Variants in RBFOX1 observed in about 807,000 individuals in gnomAD.
The protein encoded by RBFOX1 is RNA binding protein fox-1 homolog 1.
In RBFOX1, 8 loss-of-function variants were observed where a neutral mutation model predicts 57.7. That is an observed-to-expected ratio of 0.14 (90% CI 0.08 to 0.25). The LOEUF is 0.25. RBFOX1 is among the 10% of genes least tolerant of loss of function. The pLI, the probability that RBFOX1 is intolerant of heterozygous loss-of-function variation, is 1.00. For missense variants in RBFOX1, 611 were observed against 548.5 expected, an observed-to-expected ratio of 1.11 and a Z score of -1.14; for synonymous variants, 326 against 222.4, an observed-to-expected ratio of 1.47 and a Z score of -4.15.
intron 4 of RBFOX1, among the ~76,000 whole-genome samples, chr16:7,151,295 C>G (rs1433755831): frequency 1.3e-5 from 2 of 152,166 alleles, no homozygotes; most frequent in African/African-American, 4.8e-5. Context: ...TGATTACAGT[C>G]AACAGAAACC....
chr16:5,591,540 T>C (rs56034188), intron 2 of RBFOX1, among the ~76,000 whole-genome samples: 30,086 of 152,164 alleles, frequency 0.2, 3,329 homozygotes, highest in East Asian at 0.32. Flanking sequence ...CGTGAGTCAC[T>C]GCGCCTGGTC....
At chr16:7,071,468 A>C (rs987149875) in intron 4 of RBFOX1, among the ~76,000 whole-genome samples, 1 of 152,078 alleles carries the variant, frequency 6.6e-6, no homozygotes, top group Admixed American at 6.6e-5. Context: ...TATTACATAC[A>C]TATTATATTT....
rs558582156 is a variant in RBFOX1 at position 6,293,213 on chromosome 16, AG to A, written c.-126-23780del. Among the ~76,000 whole-genome samples the A allele has an allele frequency of 6.6e-5, 10 of 152,244 alleles. No homozygotes were observed. In the East Asian group the frequency reaches 1.2e-3, roughly 18 times the overall value. On this transcript the variant is annotated intron_variant, in intron 1 of 15. Coordinates refer to ENST00000550418, the MANE Select transcript of RBFOX1 (RefSeq NM_018723.4). The stretch of plus-strand genomic sequence containing the variant: ...TAGATGGGGGAAATGAGAACCAGAG[AG>A]GTTAAGTAATGTGTACCAAATCACA...
At chr16:6,059,916 A>G (rs1161480969) in intron 1 of RBFOX1, among the ~76,000 whole-genome samples, 2 of 152,172 alleles carry the variant, frequency 1.3e-5, no homozygotes, top group Non-Finnish European at 2.9e-5. Context: ...GTTATGCAGC[A>G]AGTATAAAAT....
At chr16:7,143,675 A>T (rs1215861095) in intron 4 of RBFOX1, among the ~76,000 whole-genome samples, 1 of 152,122 alleles carries the variant, frequency 6.6e-6, no homozygotes, top group Admixed American at 6.5e-5. Context: ...CTCTCTGCAG[A>T]TACGATCCTC....
intron 3 of RBFOX1, among the ~76,000 whole-genome samples, chr16:6,988,818 C>G (rs1326028111): frequency 6.7e-6 from 1 of 150,368 alleles, no homozygotes; most frequent in Non-Finnish European, 1.5e-5. Flanking sequence ...ATTGCCCAGG[C>G]TGGAGTGCAA....
chr16:6,044,020 G>A (rs780880184), intron 1 of RBFOX1, among the ~76,000 whole-genome samples: 4 of 152,106 alleles, frequency 2.6e-5, no homozygotes, highest in Non-Finnish European at 5.9e-5. Context: ...GTGGTTTCCC[G>A]GTGCTCTGCC....
At chr16:7,033,831 G>C (rs1290136060) in intron 3 of RBFOX1, among the ~76,000 whole-genome samples, 1 of 152,066 alleles carries the variant, frequency 6.6e-6, no homozygotes, top group East Asian at 1.9e-4. Flanking sequence ...TAGCCCACTA[G>C]AGTGGCATCT....
At chr16:6,972,414 T>C (rs1437873032) in intron 3 of RBFOX1, among the ~76,000 whole-genome samples, 3 of 152,056 alleles carry the variant, frequency 2.0e-5, no homozygotes, top group African/African-American at 7.2e-5. Flanking sequence ...TGGTGTAGGA[T>C]GTTTCTTCGT....
At chr16:6,403,104 A>T (rs73534162) in intron 2 of RBFOX1, among the ~76,000 whole-genome samples, 11,279 of 152,138 alleles carry the variant, frequency 0.074, 1,066 homozygotes, top group East Asian at 0.23. Flanking sequence ...CATGAAGAGG[A>T]CTGAGAATGT....
At chr16:5,814,200 T>G (rs898364576) in intron 3 of RBFOX1, among the ~76,000 whole-genome samples, 3 of 152,190 alleles carry the variant, frequency 2.0e-5, no homozygotes, top group African/African-American at 7.2e-5. Context: ...TTGGTCTGCA[T>G]CCGTATGCCC....
At chr16:5,278,170 G>A (rs535817628) in intron 1 of RBFOX1, among the ~76,000 whole-genome samples, 1 of 152,212 alleles carries the variant, frequency 6.6e-6, no homozygotes, top group African/African-American at 2.4e-5. Flanking sequence ...AGCATTTGTT[G>A]TGCTTTGTCT....
At position 7,709,097 on chromosome 16, in the gene RBFOX1, T is replaced by C; in HGVS notation, c.1037T>C (p.Leu346Pro). Residue 346 changes from leucine (L) to proline (P), a missense_variant, in exon 15 of 16, where the codon CTT becomes CCT. Around this residue, in one of 3 missense-constraint regions of RBFOX1, gnomAD observed 267 missense variants for 229.1 expected, o/e 1.17. Coordinates refer to ENST00000550418, the MANE Select transcript of RBFOX1 (RefSeq NM_018723.4). Reference protein sequence around the residue: ...VYAADPYHHALAPAPTYGVGA... With the variant: ...VYAADPYHHAPAPAPTYGVGA... Reference sequence around the variant, plus strand: ...GCTGCCGACCCCTACCACCACGCACTTGCTCCAGCCCCCACCTACGGCGTT... The same window carrying C: ...GCTGCCGACCCCTACCACCACGCACCTGCTCCAGCCCCCACCTACGGCGTT... 1 of 1,613,736 alleles carries C rather than the reference T, an allele frequency of 6.2e-7. No individual in the cohort carries two copies. Among genetic ancestry groups the C allele is most frequent in the Non-Finnish European group, 8.5e-7 (1 of 1,179,808 alleles).
chr16:6,381,616 T>C (rs2091823054), intron 2 of RBFOX1, among the ~76,000 whole-genome samples: 1 of 152,174 alleles, frequency 6.6e-6, no homozygotes, highest in African/African-American at 2.4e-5. Context: ...ATGTCAACTA[T>C]CTTCTTGGGT....
chr16:6,545,096 G>T (rs1024011707), intron 2 of RBFOX1, among the ~76,000 whole-genome samples: 6 of 152,130 alleles, frequency 3.9e-5, no homozygotes, highest in African/African-American at 1.4e-4. Context: ...AATAACAATG[G>T]CTTTCCTCCA....
chr16:5,993,123 G>A (rs2060430009), intron 4 of RBFOX1, among the ~76,000 whole-genome samples: 1 of 152,130 alleles, frequency 6.6e-6, no homozygotes, highest in South Asian at 2.1e-4. Context: ...TACGGAACAA[G>A]CCATGTCCTC....
At chr16:7,153,643 G>A (rs1367541607) in intron 4 of RBFOX1, among the ~76,000 whole-genome samples, 1 of 151,672 alleles carries the variant, frequency 6.6e-6, no homozygotes. Flanking sequence ...CCAGCTACTT[G>A]GGAGGCTGAG....
chr16:6,239,008 AT>A (rs983194981), intron 1 of RBFOX1, among the ~76,000 whole-genome samples: 32 of 150,862 alleles, frequency 2.1e-4, no homozygotes, highest in East Asian at 7.8e-4. Flanking sequence ...CTTTCTTACT[AT>A]TTTTTTTTGT....
chr16:6,759,077 C>A (rs950516376), intron 3 of RBFOX1, among the ~76,000 whole-genome samples: 4 of 151,784 alleles, frequency 2.6e-5, no homozygotes, highest in African/African-American at 9.7e-5. Context: ...AAACAGAAAA[C>A]AAGATTATAT....
Sources: gnomAD v4.1 joint callset for allele counts (sites outside exome capture counted in the v4.1 genomes callset) on GRCh38, gnomAD v4.1.1 for gene constraint, gnomAD v4.1.1 regional missense constraint, MANE v1.5 for transcripts, NCBI Gene and HGNC (gene_info 2026-07-23, HGNC 2026-07-21) for gene names.